Variants in SEMA3A observed in about 807,000 individuals in gnomAD.
SEMA3A encodes semaphorin-3A.
SEMA3A carries 29 observed loss-of-function variants against 97.9 expected under a neutral mutation model. The ratio of observed to expected loss-of-function variants is 0.30; its 90% CI spans 0.22 to 0.40. SEMA3A has a LOEUF of 0.40. SEMA3A is among the 10% of genes least tolerant of loss of function. The probability of loss-of-function intolerance (pLI) is 1.00; values close to 1 mark genes in which losing one functional copy is unlikely to be tolerated. For missense variants in SEMA3A, 763 were observed against 951.3 expected, an observed-to-expected ratio of 0.80 and a Z score of 2.60; for synonymous variants, 321 against 323.7, an observed-to-expected ratio of 0.99 and a Z score of 0.09.
Position 84,203,492 on chromosome 7 carries a change from T to TTG in SEMA3A, c.-82-8826_-82-8825dup, listed in dbSNP as rs200700704. Among the ~76,000 whole-genome samples, 758 of 123,844 alleles carry TTG rather than the reference T, an allele frequency of 6.1e-3. 11 individuals carry two copies. Among genetic ancestry groups the TTG allele is most frequent in the East Asian group, 0.053 (212 of 4,018 alleles). The allele number at this position is 123,844 out of a possible 152,430, so 81.2% of individuals were successfully genotyped here. A position where few individuals can be genotyped will look rare whatever the true frequency, so the allele number is the denominator to read the frequency against. On this transcript the variant is annotated intron_variant, in intron 3 of 3. Transcript: ENST00000424555. ...TAACAGTTTTGTAGAAAGTATTTCT[T>TTG]TGTGTGTGTGTATATATATATATAT...
chr7:84,290,323 C>T (rs974738378), intron 3 of SEMA3A, among the ~76,000 whole-genome samples: 2 of 152,050 alleles, frequency 1.3e-5, no homozygotes, highest in Non-Finnish European at 2.9e-5. Flanking sequence ...GTCCTTGGCT[C>T]ATCTAGAATC....
At chr7:84,435,406 G>A (rs1562947259) in intron 1 of SEMA3A, among the ~76,000 whole-genome samples, 1 of 152,090 alleles carries the variant, frequency 6.6e-6, no homozygotes, top group Admixed American at 6.6e-5. Flanking sequence ...TCAGGAGATC[G>A]AGACAATCCT....
At chr7:84,075,143 G>A (rs950015025) in intron 4 of SEMA3A, among the ~76,000 whole-genome samples, 11 of 151,326 alleles carry the variant, frequency 7.3e-5, no homozygotes, top group Admixed American at 7.3e-4. Flanking sequence ...AATCTAAGTA[G>A]AAATGCTTTG....
At chr7:84,187,043 A>C (rs1797907773) in intron 1 of SEMA3A, among the ~76,000 whole-genome samples, 1 of 152,184 alleles carries the variant, frequency 6.6e-6, no homozygotes, top group Non-Finnish European at 1.5e-5. Context: ...AAAAAGGATG[A>C]CTTGGAGATG....
chr7:84,001,889 T>C, intron 12 of SEMA3A, 66 bp downstream of exon 12: 2 of 1,078,070 alleles, frequency 1.9e-6, no homozygotes, highest in Non-Finnish European at 2.8e-6. Flanking sequence ...AAGTTCAGTG[T>C]GCAGCTGTCC....
At chr7:84,294,581 A>G (rs1181143967) in intron 3 of SEMA3A, among the ~76,000 whole-genome samples, 3 of 152,062 alleles carry the variant, frequency 2.0e-5, no homozygotes, top group Admixed American at 6.6e-5. Flanking sequence ...AGCACTTAAC[A>G]TATTTCATTG....
At chr7:83,992,443 C>G (rs1789995123) in intron 12 of SEMA3A, among the ~76,000 whole-genome samples, 1 of 148,938 alleles carries the variant, frequency 6.7e-6, no homozygotes, top group African/African-American at 2.5e-5. Flanking sequence ...CCTGCTTTCT[C>G]TTGTGGGCAT....
chr7:84,333,807 G>GA (rs1463895328), intron 2 of SEMA3A, among the ~76,000 whole-genome samples: 1 of 152,084 alleles, frequency 6.6e-6, no homozygotes, highest in Non-Finnish European at 1.5e-5. Flanking sequence ...TAATTTAAAT[G>GA]AATTCTAAGC....
intron 3 of SEMA3A, among the ~76,000 whole-genome samples, chr7:84,204,661 G>T (rs1798443337): frequency 6.6e-6 from 1 of 152,146 alleles, no homozygotes; most frequent in African/African-American, 2.4e-5. Flanking sequence ...TTGAAAAGTT[G>T]CCCTTTAAGT....
chr7:83,964,303 TAATA>T (rs1788587795), intron 15 of SEMA3A, among the ~76,000 whole-genome samples: 1 of 152,126 alleles, frequency 6.6e-6, no homozygotes, highest in Non-Finnish European at 1.5e-5. Flanking sequence ...ATTTAGAAAA[TAATA>T]AATATGTTTT....
intron 1 of SEMA3A, among the ~76,000 whole-genome samples, chr7:84,424,849 A>G (rs1219503382): frequency 1.3e-5 from 1 of 79,768 alleles, no homozygotes; most frequent in African/African-American, 4.8e-5. Flanking sequence ...ATATTTATAT[A>G]TAAATAATTT....
At chr7:84,056,738 GTTAC>G (rs914303532) in intron 5 of SEMA3A, among the ~76,000 whole-genome samples, 2 of 151,822 alleles carry the variant, frequency 1.3e-5, no homozygotes, top group African/African-American at 4.8e-5. Context: ...TTTTGGCTTC[GTTAC>G]TTATGTTGTT....
In SEMA3A at chr7:84,324,206, C is replaced by T. The variant is rs147074466; in HGVS notation, c.-168-16914G>A. Among the ~76,000 whole-genome samples the T allele has an allele frequency of 3.3e-5, 5 of 152,288 alleles. No homozygotes were observed. The East Asian group carries it at 9.7e-4, about 29-fold the overall frequency. ...AGACCTTTCAAATATTGTTGAGCTA[C>T]AGCAGCCTGACTTAGGTGGGTGGGA... is the stretch of plus-strand genomic sequence containing the variant. On this transcript the variant is annotated intron_variant, in intron 2 of 3. Transcript: ENST00000424555.
At chr7:84,429,088 G>A (rs1468900594) in intron 1 of SEMA3A, among the ~76,000 whole-genome samples, 2 of 152,010 alleles carry the variant, frequency 1.3e-5, no homozygotes, top group Non-Finnish European at 2.9e-5. Flanking sequence ...GAATCCAAGA[G>A]GAGGGAGACA....
chr7:84,201,578 C>G (rs1798358885), intron 3 of SEMA3A, among the ~76,000 whole-genome samples: 1 of 152,006 alleles, frequency 6.6e-6, no homozygotes, highest in South Asian at 2.1e-4. Context: ...AAGCAGCTGT[C>G]ACCTTATGGA....
intron 1 of SEMA3A, among the ~76,000 whole-genome samples, chr7:84,151,345 A>C (rs1031417465): frequency 6.6e-6 from 1 of 151,254 alleles, no homozygotes; most frequent in Non-Finnish European, 1.5e-5. Context: ...ACTTTGAAAA[A>C]AATTTAGAAG....
At chr7:84,055,803 A>C (rs902886065) in intron 5 of SEMA3A, among the ~76,000 whole-genome samples, 6 of 152,192 alleles carry the variant, frequency 3.9e-5, no homozygotes, top group Non-Finnish European at 7.4e-5. Flanking sequence ...CTTTTTGAAA[A>C]TCTGAAGTAG....
At chr7:84,431,173 CT>C (rs1446999972) in intron 1 of SEMA3A, among the ~76,000 whole-genome samples, 1 of 151,970 alleles carries the variant, frequency 6.6e-6, no homozygotes, top group African/African-American at 2.4e-5. Context: ...AATAATCTGG[CT>C]GCTGTAAATA....
In SEMA3A at chr7:84,051,387, G is replaced by C. The variant is rs972709824; in HGVS notation, c.548-4944C>G. On this transcript the variant is annotated intron_variant, in intron 5 of 16. Coordinates refer to ENST00000265362, the MANE Select transcript of SEMA3A (RefSeq NM_006080.3). ...TGTTTGTATCCTCTTTTATTTCCTT[G>C]AGCAGTGATTTGTACTTCTCCTTAA... Among the ~76,000 whole-genome samples the C allele has an allele frequency of 3.1e-4, 47 of 152,154 alleles. 1 individual carries two copies. The highest frequency in any genetic ancestry group is 1.1e-3 in the African/African-American group (45 of 41,488).
Sources: allele counts gnomAD v4.1 joint callset (sites outside exome capture counted in the v4.1 genomes callset), GRCh38; gene constraint gnomAD v4.1.1; transcripts MANE v1.5; gene names NCBI Gene and HGNC (gene_info 2026-07-23, HGNC 2026-07-21).